Variants in KCNS3 observed in about 807,000 individuals in gnomAD.
The protein encoded by KCNS3 is delayed-rectifier potassium channel regulatory subunit KCNS3.
Under a neutral mutation model 31.0 loss-of-function variants are expected in KCNS3, and 13 were observed. The ratio of observed to expected loss-of-function variants is 0.42; its 90% CI spans 0.27 to 0.67. The LOEUF (loss-of-function observed/expected upper bound fraction) is 0.67. Ranked by LOEUF, KCNS3 falls within the 30% of genes least tolerant of loss-of-function variation. The pLI is 0.25. For synonymous variants in KCNS3, 238 were observed against 241.5 expected (o/e 0.99, Z 0.13); for missense variants, 545 against 622.4 (o/e 0.88, Z 1.32).
chr2:17,929,905 G>T (rs1395863210), intron 2 of KCNS3, among the ~76,000 whole-genome samples: 4 of 152,192 alleles, frequency 2.6e-5, no homozygotes, highest in Admixed American at 2.6e-4. Context: ...TATAGTGTTG[G>T]AAGGACTGAA....
At chr2:17,888,708 T>TAAA in intron 1 of KCNS3, among the ~76,000 whole-genome samples, 1 of 146,980 alleles carries the variant, frequency 6.8e-6, no homozygotes, top group Non-Finnish European at 1.5e-5. Context: ...TTTATGTTTT[T>TAAA]GTTTGCTTTG....
At chr2:17,923,284 A>G (rs1039568726) in intron 2 of KCNS3, among the ~76,000 whole-genome samples, 2 of 152,158 alleles carry the variant, frequency 1.3e-5, no homozygotes, top group Non-Finnish European at 2.9e-5. Context: ...ATGTCTATCA[A>G]AATTATTTGC....
At chr2:17,920,326 A>G (rs1339544627) in intron 2 of KCNS3, among the ~76,000 whole-genome samples, 1 of 152,252 alleles carries the variant, frequency 6.6e-6, no homozygotes, top group Non-Finnish European at 1.5e-5. Context: ...AAGCAGGTGC[A>G]TTATCAGAGA....
At chr2:17,880,310 A>C (rs1191627133) in intron 1 of KCNS3, among the ~76,000 whole-genome samples, 1 of 152,212 alleles carries the variant, frequency 6.6e-6, no homozygotes, top group Non-Finnish European at 1.5e-5. Flanking sequence ...TGACTCGTTC[A>C]GTATGCATTT....
At chr2:17,912,366 TG>T (rs1662490118) in intron 1 of KCNS3, among the ~76,000 whole-genome samples, 1 of 152,220 alleles carries the variant, frequency 6.6e-6, no homozygotes, top group African/African-American at 2.4e-5. Context: ...TGCATTCAAA[TG>T]GGACAGCCCT....
chr2:17,919,054 A>G (rs1028452203), intron 2 of KCNS3, among the ~76,000 whole-genome samples: 2 of 152,220 alleles, frequency 1.3e-5, no homozygotes, highest in East Asian at 1.9e-4. Context: ...AAAAGCTATC[A>G]TCTACGATTC....
intron 1 of KCNS3, among the ~76,000 whole-genome samples, chr2:17,886,678 GTCCGTCCA>G (rs994365544): frequency 3.7e-5 from 5 of 136,970 alleles, no homozygotes; most frequent in African/African-American, 1.4e-4. Flanking sequence ...CCATCCATCC[GTCCGTCCA>G]TCCATCCATC....
chr2:17,900,776 C>G (rs966437097), intron 1 of KCNS3, among the ~76,000 whole-genome samples: 3 of 152,138 alleles, frequency 2.0e-5, no homozygotes, highest in African/African-American at 7.2e-5. Context: ...AGGCATGAAC[C>G]ACCGCGTCTG....
At chr2:17,894,970 CT>C (rs1661987871) in intron 1 of KCNS3, among the ~76,000 whole-genome samples, 1 of 152,106 alleles carries the variant, frequency 6.6e-6, no homozygotes, top group South Asian at 2.1e-4. Flanking sequence ...AAATTTAAAA[CT>C]TTTTTGACTT....
chr2:17,931,088 C>T lies in KCNS3; in HGVS notation c.80C>T (p.Ser27Phe), dbSNP rs17851366. 2 of 1,614,166 alleles carry T rather than the reference C, an allele frequency of 1.2e-6. No homozygotes were observed. Among genetic ancestry groups the T allele is most frequent in the South Asian group, 2.2e-5 (2 of 91,088 alleles). Residue 27 changes from serine to phenylalanine, a missense_variant, in exon 3 of 3, where the codon TCT (serine) becomes TTT (phenylalanine). Ser to Phe is a radical substitution (Grantham distance 155). Transcript: ENST00000304101. This position sits in a 1 kb window ranked among gnomAD's most constrained non-coding sequence, Gnocchi z 5.4. ...CTGAATGTGGGGGGCTTTAAGCAGTCTGTTGACCAAAGCACCCTCCTGCGG... is the reference window on the plus strand; with the variant it reads ...CTGAATGTGGGGGGCTTTAAGCAGTTTGTTGACCAAAGCACCCTCCTGCGG... Reference protein sequence around the residue: ...VNLNVGGFKQSVDQSTLLRFP... With the variant: ...VNLNVGGFKQFVDQSTLLRFP...
rs934363474 is a variant in KCNS3 at position 17,890,252 on chromosome 2, G to C, written c.-252+11446G>C. Among the ~76,000 whole-genome samples, 7 of 152,204 alleles carry C rather than the reference G, an allele frequency of 4.6e-5. No individual in the cohort carries two copies. In the South Asian group the frequency reaches 1.5e-3, roughly 32 times the overall value. On this transcript the variant is annotated intron_variant, in intron 1 of 2. Coordinates refer to ENST00000304101, the MANE Select transcript of KCNS3 (RefSeq NM_002252.5). The stretch of plus-strand genomic sequence containing the variant: ...GCCCTGAATGATCTTTTGTATTTCA[G>C]TGGTGTCAGTTGTAATATTTCCTGC...
intron 1 of KCNS3, among the ~76,000 whole-genome samples, chr2:17,892,730 C>T (rs370522075): frequency 1.4e-4 from 22 of 152,286 alleles, no homozygotes; most frequent in African/African-American, 4.8e-4. Flanking sequence ...CCCAGCGAGT[C>T]TGCCCAGCTC....
At chr2:17,908,048 A>G (rs1662378883) in intron 1 of KCNS3, among the ~76,000 whole-genome samples, 1 of 152,224 alleles carries the variant, frequency 6.6e-6, no homozygotes, top group Non-Finnish European at 1.5e-5. Flanking sequence ...AATATCCTGC[A>G]GAGTGTTTTC....
chr2:17,884,266 AAAATAT>A (rs1487780482), intron 1 of KCNS3, among the ~76,000 whole-genome samples: 3,104 of 44,574 alleles, frequency 0.07, 49 homozygotes, highest in Middle Eastern at 0.2. Flanking sequence ...TAAAAAAAAA[AAAATAT>A]ATATATATAT....
At chr2:17,878,350 G>C (rs1431924147), upstream of KCNS3, among the ~76,000 whole-genome samples, 1 of 152,052 alleles carries the variant, frequency 6.6e-6, no homozygotes, top group East Asian at 1.9e-4. Context: ...GAGGCGCGGG[G>C]CGCGCTCCTG....
At chr2:17,928,804 A>AC in intron 2 of KCNS3, among the ~76,000 whole-genome samples, 2 of 152,260 alleles carry the variant, frequency 1.3e-5, no homozygotes, top group Admixed American at 1.3e-4. Flanking sequence ...TTTACAGACT[A>AC]GAAAACACAT....
At chr2:17,887,255 AT>A (rs1398396299) in intron 1 of KCNS3, among the ~76,000 whole-genome samples, 4 of 151,568 alleles carry the variant, frequency 2.6e-5, no homozygotes, top group Non-Finnish European at 5.9e-5. Context: ...TACTCTTTTA[AT>A]CCCTCCCCCA....
At position 17,931,557 on chromosome 2, in the gene KCNS3, C is replaced by T. The variant is rs201603883; in HGVS notation, c.549C>T (p.Ser183=). ...TGGAGAATCCAGCGTACTGCCTGTC[C>T]GCTAAGCTTATCGCTATCTCCTCCT... ...IRMENPAYCL[S]AKLIAISSLS... The change falls in exon 3 of 3, where the codon TCC becomes TCT. Residue 183 remains serine (S), a synonymous_variant. Coordinates refer to ENST00000304101, the MANE Select transcript of KCNS3 (RefSeq NM_002252.5). The surrounding 1 kb of genome is among the most constrained non-coding windows in gnomAD (Gnocchi z 5.4). The T allele has an allele frequency of 2.0e-5, 32 of 1,614,180 alleles. No individual in the cohort carries two copies. The highest frequency in any genetic ancestry group is 1.1e-4 in the East Asian group (5 of 44,866).
intron 1 of KCNS3, among the ~76,000 whole-genome samples, chr2:17,900,428 A>T (rs1370566059): frequency 6.6e-6 from 1 of 152,136 alleles, no homozygotes; most frequent in Non-Finnish European, 1.5e-5. Context: ...CATTCTGAGC[A>T]GACCAAACAA....
Sources: gnomAD v4.1 joint callset for allele counts (sites outside exome capture counted in the v4.1 genomes callset) on GRCh38, gnomAD v4.1.1 for gene constraint, Gnocchi (gnomAD v3.1) non-coding constraint, MANE v1.5 for transcripts, NCBI Gene and HGNC (gene_info 2026-07-23, HGNC 2026-07-21) for gene names.